Variants in OBSL1 observed in about 807,000 individuals in gnomAD.
OBSL1 encodes the protein obscurin like cytoskeletal adaptor 1.
OBSL1 carries 160 observed loss-of-function variants against 172.0 expected under a neutral mutation model. The observed-to-expected ratio is 0.93, with a 90% CI of 0.82 to 1.06. OBSL1 has a LOEUF of 1.06. OBSL1 is among the 50% of genes least tolerant of loss of function. OBSL1 has a pLI of 0.00. For missense variants in OBSL1, 2,681 were observed against 2,715.4 expected (o/e 0.99, Z 0.28); for synonymous variants, 1,200 against 1,196.3 (o/e 1.00, Z -0.06).
In OBSL1 at chr2:219,554,755, T is replaced by C. The variant is rs1042509563; in HGVS notation, c.4610-15A>G. On this transcript the variant is annotated splice_polypyrimidine_tract_variant and intron_variant, in intron 14 of 20. Transcript: ENST00000404537. ...CAGCTGCCTCGCTGGCCGGGGGAGA[T>C]GGAGAGAGGGAGGATGAGGCCTCCA... The C allele has an allele frequency of 3.3e-6, 5 of 1,530,856 alleles. No individual in the cohort carries two copies. The highest frequency in any genetic ancestry group is 4.4e-6 in the Non-Finnish European group (5 of 1,134,226). The allele number at this position is 1,530,856 out of a possible 1,614,324, so 94.8% of individuals were successfully genotyped here. A position where few individuals can be genotyped will look rare whatever the true frequency, so the allele number is the denominator to read the frequency against.
rs778968712 is a variant in OBSL1, at chr2:219,552,196, G to A, written c.5329C>T (p.Leu1777Phe). The change falls in exon 19 of 21, where the codon CTT becomes TTT. Residue 1777 changes from leucine to phenylalanine, a missense_variant. Physicochemically the swap from Leu to Phe is conservative, Grantham distance 22 (BLOSUM62 0). This residue lies in a region of OBSL1 where 1,765 missense variants were observed against 1,748.3 expected (regional missense o/e 1.01). Coordinates refer to ENST00000404537, the MANE Select transcript of OBSL1 (RefSeq NM_015311.3). ...RQEGKKHILV[L>F]SELRAEDAGE... ...GCGTCCTCGGCGCGCAGCTCGCTAA[G>A]CACCAGAATGTGTTTCTTCCCTGGG... 1.9e-6 allele frequency: 3 copies of A among 1,607,842 alleles called. No individual in the cohort carries two copies. The highest frequency in any genetic ancestry group is 2.5e-6 in the Non-Finnish European group (3 of 1,177,690).
chr2:219,568,301 G>GC lies in OBSL1; in HGVS notation c.1035dup (p.Pro346AlafsTer9), dbSNP rs1313136215. On this transcript the variant is annotated frameshift_variant, in exon 2 of 21. Coordinates refer to ENST00000404537, the MANE Select transcript of OBSL1 (RefSeq NM_015311.3). LOFTEE classifies it high-confidence loss of function. The surrounding 1 kb of genome is among the most constrained non-coding windows in gnomAD (Gnocchi z 4.1). ...TCACGGCCCTCCACGTCCTGCAGGG[G>GC]CCGTGTGAACCGGAGGCGGGGCTCT... The GC allele has an allele frequency of 6.2e-7, 1 of 1,607,042 alleles. No individual in the cohort carries two copies.
At position 219,567,552 on chromosome 2, in the gene OBSL1, G is replaced by T. The variant is rs1316854085; in HGVS notation, c.1558C>A (p.Pro520Thr). 6.2e-7 allele frequency: 1 copy of T among 1,612,058 alleles called. No homozygotes were observed. The highest frequency in any genetic ancestry group is 1.1e-5 in the South Asian group (1 of 90,944). The change falls in exon 4 of 21, where the codon CCC (proline) becomes ACC (threonine). Residue 520 changes from proline to threonine, a missense_variant. By Grantham distance (38) the Pro-to-Thr change is conservative. Transcript: ENST00000404537. ...TTGAACATCTCTGCCAATATGGGGG[G>T]TCCTGGGGGACTGTGCTTGACACCT... Reference protein sequence around the residue: ...VKCVKHSPPGPPILAEMFKGH... With the variant: ...VKCVKHSPPGTPILAEMFKGH...
At position 219,571,273 on chromosome 2, in the gene OBSL1, C is replaced by CGGG; in HGVS notation, c.-42_-41insCCC. 3 of 861,604 alleles carry CGGG rather than the reference C, an allele frequency of 3.5e-6. No individual in the cohort carries two copies. Among genetic ancestry groups the CGGG allele is most frequent in the South Asian group, 4.4e-5 (1 of 22,582 alleles). 53.4% of individuals were successfully genotyped at this position (861,604 alleles called of 1,614,324 possible). A position where few individuals can be genotyped will look rare whatever the true frequency, so the allele number is the denominator to read the frequency against. On this transcript the variant is annotated 5_prime_UTR_variant, in exon 1 of 21. Coordinates refer to ENST00000404537, the MANE Select transcript of OBSL1 (RefSeq NM_015311.3). Reference sequence around the variant, plus strand: ...CCTGCAGCGGCGAACGGTGGGGGGGCAGGGGGGGGTGCGGAGGGCGAGCCG... The same window carrying CGGG: ...CCTGCAGCGGCGAACGGTGGGGGGGCGGGAGGGGGGGGTGCGGAGGGCGAGCCG...
In OBSL1 at chr2:219,557,565, T is replaced by G. The variant is rs2106033813; in HGVS notation, c.3844A>C (p.Thr1282Pro). 1 of 1,549,874 alleles carries G rather than the reference T, an allele frequency of 6.5e-7. No individual in the cohort carries two copies. The highest frequency in any genetic ancestry group is 2.4e-5 in the East Asian group (1 of 40,984). ...PEAAQTRVRS[T>P]PGGDLELVVH... The stretch of plus-strand genomic sequence containing the variant: ...ACCAGCTCTAGGTCCCCGCCTGGGG[T>G]GCTCCGAACCCTCGTCTGGGCTGCC... The change falls in exon 12 of 21, where the codon ACC becomes CCC. Residue 1282 changes from threonine to proline, a missense_variant. Thr to Pro is a conservative substitution (Grantham distance 38). Coordinates refer to ENST00000404537, the MANE Select transcript of OBSL1 (RefSeq NM_015311.3).
chr2:219,570,867 C>A lies in OBSL1; in HGVS notation c.366G>T (p.Gly122=). The change falls in exon 1 of 21, where the codon GGG becomes GGT. Residue 122 remains glycine, a synonymous_variant. Transcript: ENST00000404537. ...QPAERPLPSP[G]SGEGAPVFLT... ...GGAAGACCGGGGCGCCCTCCCCGGACCCCGGCGATGGCAGCGGGCGCTCGG... is the reference window on the plus strand; with the variant it reads ...GGAAGACCGGGGCGCCCTCCCCGGAACCCGGCGATGGCAGCGGGCGCTCGG... The A allele has an allele frequency of 7.2e-7, 1 of 1,397,162 alleles. No individual in the cohort carries two copies. Among genetic ancestry groups the A allele is most frequent in the Non-Finnish European group, 9.3e-7 (1 of 1,076,918 alleles). 86.5% of individuals were successfully genotyped at this position (1,397,162 alleles called of 1,614,324 possible). A position where few individuals can be genotyped will look rare whatever the true frequency, so the allele number is the denominator to read the frequency against.
chr2:219,559,098 G>A (rs1375167843), intron 9 of OBSL1, 127 bp downstream of exon 9: 3 of 931,720 alleles, frequency 3.2e-6, no homozygotes, highest in Non-Finnish European at 4.8e-6. Context: ...GGATTCTGAT[G>A]GCCAAACATG....
rs539045445 is a variant in OBSL1, at chr2:219,570,873, C to A, written c.360G>T (p.Ser120=). Residue 120 remains serine (S), a synonymous_variant, in exon 1 of 21, where the codon TCG becomes TCT. Coordinates refer to ENST00000404537, the MANE Select transcript of OBSL1 (RefSeq NM_015311.3). ...ELQPAERPLP[S]PGSGEGAPVF... Reference sequence around the variant, plus strand: ...CCGGGGCGCCCTCCCCGGACCCCGGCGATGGCAGCGGGCGCTCGGCGGGCT... The same window carrying A: ...CCGGGGCGCCCTCCCCGGACCCCGGAGATGGCAGCGGGCGCTCGGCGGGCT... 2.9e-6 allele frequency: 4 copies of A among 1,387,802 alleles called. No individual in the cohort carries two copies. The highest frequency in any genetic ancestry group is 1.7e-5 in the South Asian group (1 of 58,766). 86.0% of individuals were successfully genotyped at this position (1,387,802 alleles called of 1,614,324 possible).
intron 1 of OBSL1, chr2:219,569,162 CGT>C (rs749421230): frequency 2.6e-5 from 4 of 151,892 alleles, no homozygotes; most frequent in South Asian, 4.2e-4. Context: ...TTTTTGTGTG[CGT>C]GTGTGTATGC....
chr2:219,549,082 A>G (rs1249185121), downstream of OBSL1: 5 of 1,564,644 alleles, frequency 3.2e-6, no homozygotes, highest in East Asian at 9.0e-5. Flanking sequence ...AGGTGGGATG[A>G]GAGAGGGAGG....
Position 219,565,502 on chromosome 2 carries a change from T to A in OBSL1, c.2147A>T (p.His716Leu), listed in dbSNP as rs778978128. Residue 716 changes from histidine to leucine, a missense_variant, in exon 6 of 21, where the codon CAC becomes CTC. His to Leu is a moderately conservative substitution (Grantham distance 99). This residue lies in a region of OBSL1 where 1,765 missense variants were observed against 1,748.3 expected (regional missense o/e 1.01). Coordinates refer to ENST00000404537, the MANE Select transcript of OBSL1 (RefSeq NM_015311.3). ...CACCCTGTCCTGGGGGCTCAGGATG[T>A]GCACCGGGCTCTCTGTGTGGGGAGA... Reference protein sequence around the residue: ...AALTIQESPVHILSPQDRVSL... With the variant: ...AALTIQESPVLILSPQDRVSL... 4 of 1,607,376 alleles carry A rather than the reference T, an allele frequency of 2.5e-6. No individual in the cohort carries two copies. The South Asian group carries it at 4.4e-5, about 18-fold the overall frequency.
chr2:219,562,654 A>C lies in OBSL1; in HGVS notation c.2701T>G (p.Tyr901Asp). ...GCCACATACACCTTGCCGCTGGGAT[A>C]CACGATCCACGAGGAGACGTCTGGA... is the stretch of plus-strand genomic sequence containing the variant. ...TITDVSSWIV[Y>D]PSGKVYVAAV... Residue 901 changes from tyrosine to aspartate, a missense_variant, in exon 8 of 21, where the codon TAT (tyrosine) becomes GAT (aspartate). Tyr to Asp is a radical substitution (Grantham distance 160). This residue lies in a region of OBSL1 where 1,765 missense variants were observed against 1,748.3 expected (regional missense o/e 1.01). Coordinates refer to ENST00000404537, the MANE Select transcript of OBSL1 (RefSeq NM_015311.3). 6.4e-7 allele frequency: 1 copy of C among 1,558,136 alleles called. No individual in the cohort carries two copies. Among genetic ancestry groups the C allele is most frequent in the South Asian group, 1.2e-5 (1 of 85,246 alleles).
At chr2:219,564,306 C>T (rs758996741) in intron 6 of OBSL1, among the ~76,000 whole-genome samples, 11 of 152,194 alleles carry the variant, frequency 7.2e-5, no homozygotes, top group Non-Finnish European at 1.0e-4. Flanking sequence ...GTGAGAACCA[C>T]GGGGTGACTG....
At position 219,558,001 on chromosome 2, in the gene OBSL1, C is replaced by T; in HGVS notation, c.3612G>A (p.Val1204=). The change falls in exon 11 of 21, where the codon GTG becomes GTA. Residue 1204 remains valine (V), a synonymous_variant. Coordinates refer to ENST00000404537, the MANE Select transcript of OBSL1 (RefSeq NM_015311.3). ...SCELSRAGAP[V]VWSHNGRPVQ... is the part of the protein sequence containing the mutation. Reference sequence around the variant, plus strand: ...CGGGCCTCCCATTGTGGCTCCAGACCACGGGGGCGCCAGCCCGGGACAGTT... The same window carrying T: ...CGGGCCTCCCATTGTGGCTCCAGACTACGGGGGCGCCAGCCCGGGACAGTT... 1 of 1,612,390 alleles carries T rather than the reference C, an allele frequency of 6.2e-7. No homozygotes were observed. The highest frequency in any genetic ancestry group is 8.5e-7 in the Non-Finnish European group (1 of 1,179,540).
intron 15 of OBSL1, chr2:219,554,225 A>G (rs1408004047): frequency 3.5e-6 from 2 of 573,836 alleles, no homozygotes; most frequent in Non-Finnish European, 6.2e-6. Flanking sequence ...TGGCAAAGGC[A>G]TGCTCTTGGT....
At chr2:219,549,618 C>G, downstream of OBSL1, 7 of 1,539,530 alleles carry the variant, frequency 4.5e-6, no homozygotes, top group Non-Finnish European at 6.2e-6. Context: ...GGGTCTATGG[C>G]AGTCTATAGA....
In OBSL1 at chr2:219,553,671, A is replaced by G; in HGVS notation, c.4892T>C (p.Ile1631Thr). 6.2e-7 allele frequency: 1 copy of G among 1,613,440 alleles called. No individual in the cohort carries two copies. The highest frequency in any genetic ancestry group is 8.5e-7 in the Non-Finnish European group (1 of 1,179,656). ...CTCTAGGTCGTGTGGCCCCCGCACGATGGTCACTGGGACCTCTGGGGGTGG... is the reference window on the plus strand; with the variant it reads ...CTCTAGGTCGTGTGGCCCCCGCACGGTGGTCACTGGGACCTCTGGGGGTGG... Reference protein sequence around the residue: ...RLIVREVPVTIVRGPHDLEVT... With the variant: ...RLIVREVPVTTVRGPHDLEVT... Residue 1631 changes from isoleucine to threonine, a missense_variant, in exon 16 of 21, where the codon ATC (isoleucine) becomes ACC (threonine). Physicochemically the swap from Ile to Thr is moderately conservative, Grantham distance 89. Transcript: ENST00000404537.
chr2:219,570,853 G>A lies in OBSL1; in HGVS notation c.380C>T (p.Ala127Val), dbSNP rs886044075. Residue 127 changes from alanine (A) to valine (V), a missense_variant, in exon 1 of 21, where the codon GCC becomes GTC. Transcript: ENST00000404537. ...PLPSPGSGEG[A>V]PVFLTGPRSQ... Reference sequence around the variant, plus strand: ...TCGAGGCCCCGTGAGGAAGACCGGGGCGCCCTCCCCGGACCCCGGCGATGG... The same window carrying A: ...TCGAGGCCCCGTGAGGAAGACCGGGACGCCCTCCCCGGACCCCGGCGATGG... 16 of 1,436,278 alleles carry A rather than the reference G, an allele frequency of 1.1e-5. No homozygotes were observed. The highest frequency in any genetic ancestry group is 3.6e-4 in the Middle Eastern group (2 of 5,514). The allele number at this position is 1,436,278 out of a possible 1,614,324, so 89.0% of individuals were successfully genotyped here.
chr2:219,547,849 A>G (rs977726654), downstream of OBSL1: 2 of 1,586,424 alleles, frequency 1.3e-6, no homozygotes, highest in African/African-American at 1.3e-5. Context: ...GGCCCCGCCC[A>G]CTCACCACCC....
Sources: gnomAD v4.1 joint callset for allele counts (sites outside exome capture counted in the v4.1 genomes callset) on GRCh38, gnomAD v4.1.1 for gene constraint, gnomAD v4.1.1 regional missense constraint, Gnocchi (gnomAD v3.1) non-coding constraint, MANE v1.5 for transcripts, NCBI Gene and HGNC (gene_info 2026-07-23, HGNC 2026-07-21) for gene names.